CASZ1: variants seen among roughly 807,000 people sequenced by gnomAD.
CASZ1 encodes zinc finger protein castor homolog 1.
Under a neutral mutation model 135.2 loss-of-function variants are expected in CASZ1, and 28 were observed. That is an observed-to-expected ratio of 0.21 (90% CI 0.15 to 0.28). The LOEUF is 0.28. Among genes scored for constraint, CASZ1 ranks in the 10% least tolerant of loss-of-function variants. CASZ1 has a pLI of 1.00. For synonymous variants in CASZ1, 1,068 were observed against 1,073.4 expected (o/e 0.99, Z 0.10); for missense variants, 2,161 against 2,453.3 (o/e 0.88, Z 2.52).
chr1:10,650,971 C>A lies in CASZ1; in HGVS notation c.2786G>T (p.Arg929Leu). 1.3e-6 allele frequency: 2 copies of A among 1,589,242 alleles called. No homozygotes were observed. The highest frequency in any genetic ancestry group is 2.2e-5 in the East Asian group (1 of 44,546). ...APGPHEASQD[R>L]SLDLTVKEPS... ...CTCCTTCACAGTCAGGTCTAGACTG[C>A]GGTCCTGGGAGGCTTCGTGGGGGCC... Residue 929 changes from arginine to leucine, a missense_variant, in exon 12 of 21, where the codon CGC becomes CTC. Arg to Leu is a moderately radical substitution (Grantham distance 102). Around this residue, in one of 7 missense-constraint regions of CASZ1, gnomAD observed 406 missense variants for 387.6 expected, o/e 1.05. Coordinates refer to ENST00000377022, the MANE Select transcript of CASZ1 (RefSeq NM_001079843.3).
intron 1 of CASZ1, among the ~76,000 whole-genome samples, chr1:10,789,763 A>C (rs941375214): frequency 1.3e-5 from 2 of 150,280 alleles, no homozygotes; most frequent in Non-Finnish European, 3.0e-5. Flanking sequence ...AGAAAAAAAA[A>C]CTCCCCCTTC....
chr1:10,708,695 T>A (rs2100451292), intron 2 of CASZ1, among the ~76,000 whole-genome samples: 1 of 152,188 alleles, frequency 6.6e-6, no homozygotes, highest in South Asian at 2.1e-4. Flanking sequence ...AGCCCTGGGC[T>A]GGCTTCTGTT....
At chr1:10,737,377 AG>A (rs1639820887) in intron 2 of CASZ1, among the ~76,000 whole-genome samples, 1 of 152,120 alleles carries the variant, frequency 6.6e-6, no homozygotes, top group Non-Finnish European at 1.5e-5. Flanking sequence ...AGGGGCCTTC[AG>A]AAGTCCCAGC....
In CASZ1 at chr1:10,638,963, G is replaced by A; in HGVS notation, c.5259C>T (p.Pro1753=). 3 of 981,130 alleles carry A rather than the reference G, an allele frequency of 3.1e-6. No homozygotes were observed. The highest frequency in any genetic ancestry group is 3.6e-6 in the Non-Finnish European group (3 of 828,520). The allele number at this position is 981,130 out of a possible 1,614,324, so 60.8% of individuals were successfully genotyped here. A position where few individuals can be genotyped will look rare whatever the true frequency, so the allele number is the denominator to read the frequency against. The change falls in exon 21 of 21, where the codon CCC becomes CCT. Residue 1753 remains proline (P), a synonymous_variant. Transcript: ENST00000377022. This position sits in a 1 kb window ranked among gnomAD's most constrained non-coding sequence, Gnocchi z 5.9. ...GCCGCTAGGGCGAGGAGGCTGCAGT[G>A]GGCGCGGGGCCGGGGGCGCCCAGGG... ...LAALGAPGPA[P]TAASSP is the part of the protein sequence containing the mutation.
chr1:10,786,221 C>A (rs1570592333), intron 1 of CASZ1, among the ~76,000 whole-genome samples: 1 of 152,056 alleles, frequency 6.6e-6, no homozygotes, highest in Non-Finnish European at 1.5e-5. Flanking sequence ...CATGATGACC[C>A]ACCTCACCCC....
intron 2 of CASZ1, among the ~76,000 whole-genome samples, chr1:10,722,857 C>G (rs563426808): frequency 7.9e-5 from 12 of 152,238 alleles, no homozygotes; most frequent in South Asian, 2.1e-4. Flanking sequence ...ACTCTCCCCC[C>G]CAAAAAGGCC....
At position 10,637,813 on chromosome 1, in the gene CASZ1, A is replaced by G. The variant is rs1324092342; in HGVS notation, c.*1129T>C. ...GAAGCATCCCAAACAAAGTAATAAAACAAACTGGAAAAAAAAAAAAGCCCT... is the reference window on the plus strand; with the variant it reads ...GAAGCATCCCAAACAAAGTAATAAAGCAAACTGGAAAAAAAAAAAAGCCCT... On this transcript the variant is annotated 3_prime_UTR_variant, in exon 21 of 21. Transcript: ENST00000377022. 7.1e-6 allele frequency: 1 copy of G among 140,540 alleles called. No individual in the cohort carries two copies. Among genetic ancestry groups the G allele is most frequent in the Non-Finnish European group, 1.5e-5 (1 of 65,164 alleles). 8.7% of individuals were successfully genotyped at this position (140,540 alleles called of 1,614,324 possible).
rs572824153 is a variant in CASZ1, at chr1:10,700,080, G to GACACACACACACACACACACAC, written c.-24+5390_-24+5411dup. Among the ~76,000 whole-genome samples the GACACACACACACACACACACAC allele has an allele frequency of 0.034, 4,504 of 133,834 alleles. 133 individuals carry two copies. The highest frequency in any genetic ancestry group is 0.05 in the Middle Eastern group (13 of 262). The allele number at this position is 133,834 out of a possible 152,430, so 87.8% of individuals were successfully genotyped here. On this transcript the variant is annotated intron_variant, in intron 3 of 20. Transcript: ENST00000377022. This position sits in a 1 kb window ranked among gnomAD's most constrained non-coding sequence, Gnocchi z 4.2. ...AGACAGAGAGAGAAAGAGAGATAGAGACACACACACACACACACACACACA... is the reference window on the plus strand; with the variant it reads ...AGACAGAGAGAGAAAGAGAGATAGAGACACACACACACACACACACACACACACACACACACACACACACACA...
chr1:10,674,770 C>T (rs754648231), intron 4 of CASZ1, among the ~76,000 whole-genome samples: 2 of 152,208 alleles, frequency 1.3e-5, no homozygotes, highest in Non-Finnish European at 2.9e-5. Flanking sequence ...CTCACCTCTG[C>T]CTGGGGATCT....
At chr1:10,670,211 G>T (rs1315279958) in intron 4 of CASZ1, among the ~76,000 whole-genome samples, 2 of 152,226 alleles carry the variant, frequency 1.3e-5, no homozygotes, top group Non-Finnish European at 2.9e-5. Flanking sequence ...CCTCGTCTGT[G>T]CTGGGTGCCT....
intron 2 of CASZ1, among the ~76,000 whole-genome samples, chr1:10,743,671 G>A (rs1458830892): frequency 7.2e-6 from 1 of 138,318 alleles, no homozygotes; most frequent in Admixed American, 7.1e-5. Flanking sequence ...AAATGGGGGG[G>A]CGGGGTGCGG....
Position 10,639,148 on chromosome 1 carries a change from CGT to C in CASZ1, c.5072_5073del (p.Asp1691GlyfsTer135). The C allele has an allele frequency of 4.6e-6, 5 of 1,095,808 alleles. No homozygotes were observed. The highest frequency in any genetic ancestry group is 2.8e-5 in the South Asian group (1 of 35,468). The allele number at this position is 1,095,808 out of a possible 1,614,324, so 67.9% of individuals were successfully genotyped here. A position where few individuals can be genotyped will look rare whatever the true frequency, so the allele number is the denominator to read the frequency against. Reference protein sequence around the residue: ...ELELPEEEAEDDEDEDDDEDD... With the variant: ...ELELPEEEAEXDEDEDDDEDD... Reference sequence around the variant, plus strand: ...TCCTCGTCGTCGTCCTCGTCCTCGTCGTCTTCGGCCTCCTCCTCCGGCAGCTC... The same window carrying C: ...TCCTCGTCGTCGTCCTCGTCCTCGTCCTTCGGCCTCCTCCTCCGGCAGCTC... On this transcript the variant is annotated frameshift_variant, in exon 21 of 21. Coordinates refer to ENST00000377022, the MANE Select transcript of CASZ1 (RefSeq NM_001079843.3). LOFTEE classifies it high-confidence loss of function. This position sits in a 1 kb window ranked among gnomAD's most constrained non-coding sequence, Gnocchi z 4.0.
Position 10,656,591 on chromosome 1 carries a change from G to A in CASZ1, c.1500+55C>T, listed in dbSNP as rs938150831. On this transcript the variant is annotated intron_variant, in intron 8 of 20. Transcript: ENST00000377022. ...CGTCCCCGCCTGCCGACTTCTAAGC[G>A]CCTCCATGCTGTGCTGGTGGCGGAG... is the stretch of plus-strand genomic sequence containing the variant. 24 of 1,345,176 alleles carry A rather than the reference G, an allele frequency of 1.8e-5. 1 individual carries two copies. The highest frequency in any genetic ancestry group is 2.0e-5 in the Admixed American group (1 of 50,946). The allele number at this position is 1,345,176 out of a possible 1,614,324, so 83.3% of individuals were successfully genotyped here. A position where few individuals can be genotyped will look rare whatever the true frequency, so the allele number is the denominator to read the frequency against.
In CASZ1 at chr1:10,711,330, C is replaced by T. The variant is rs1205641283; in HGVS notation, c.-76-5786G>A. ...AGTTCATTCAGTATTTCTTGGGCAC[C>T]TACTACATGCTATTAGATCCTTGTC... is the stretch of plus-strand genomic sequence containing the variant. On this transcript the variant is annotated intron_variant, in intron 2 of 20. Transcript: ENST00000377022. The surrounding 1 kb of genome is among the most constrained non-coding windows in gnomAD (Gnocchi z 4.4). Among the ~76,000 whole-genome samples the T allele has an allele frequency of 6.6e-6, 1 of 152,138 alleles. No homozygotes were observed. Among genetic ancestry groups the T allele is most frequent in the East Asian group, 1.9e-4 (1 of 5,194 alleles).
At chr1:10,754,565 C>G (rs539903890) in intron 2 of CASZ1, among the ~76,000 whole-genome samples, 1 of 152,208 alleles carries the variant, frequency 6.6e-6, no homozygotes, top group Admixed American at 6.5e-5. Flanking sequence ...GTCCTGCCCC[C>G]TAAACCAGGT....
intron 2 of CASZ1, among the ~76,000 whole-genome samples, chr1:10,749,650 T>C (rs1017669268): frequency 3.9e-5 from 6 of 152,148 alleles, no homozygotes; most frequent in East Asian, 1.9e-4. Context: ...CGGAGACTCT[T>C]GTAGCAGGAG....
At chr1:10,791,081 C>CAAAA (rs61062042) in intron 1 of CASZ1, among the ~76,000 whole-genome samples, 1 of 121,196 alleles carries the variant, frequency 8.3e-6, no homozygotes, top group African/African-American at 2.7e-5. Context: ...CTCTTCCCAT[C>CAAAA]AAAAAAAAAA....
At chr1:10,655,089 T>C (rs530933440) in intron 9 of CASZ1, among the ~76,000 whole-genome samples, 1 of 149,026 alleles carries the variant, frequency 6.7e-6, no homozygotes, top group African/African-American at 2.4e-5. Context: ...ACCCGTGGAA[T>C]CCGAACACTC....
At chr1:10,796,055 G>T (rs1641064302) in intron 1 of CASZ1, among the ~76,000 whole-genome samples, 1 of 152,022 alleles carries the variant, frequency 6.6e-6, no homozygotes, top group Non-Finnish European at 1.5e-5. Context: ...CTGCTGCTGG[G>T]GGGTGGGGTG....
Sources: gnomAD v4.1 joint callset for allele counts (sites outside exome capture counted in the v4.1 genomes callset) on GRCh38, gnomAD v4.1.1 for gene constraint, gnomAD v4.1.1 regional missense constraint, Gnocchi (gnomAD v3.1) non-coding constraint, MANE v1.5 for transcripts, NCBI Gene and HGNC (gene_info 2026-07-23, HGNC 2026-07-21) for gene names.